The following ALAS1 variants were observed in gnomAD, a reference collection of about 807,000 sequenced individuals.
ALAS1 encodes the protein 5'-aminolevulinate synthase 1.
ALAS1 carries 29 observed loss-of-function variants against 59.6 expected under a neutral mutation model. The ratio of observed to expected loss-of-function variants is 0.49; its 90% CI spans 0.36 to 0.66. The LOEUF (loss-of-function observed/expected upper bound fraction) is 0.66. Among genes scored for constraint, ALAS1 ranks in the 30% least tolerant of loss-of-function variants. The pLI, the probability that ALAS1 is intolerant of heterozygous loss-of-function variation, is 0.00. For missense variants in ALAS1, 690 were observed against 807.5 expected (o/e 0.85, Z 1.76); for synonymous variants, 299 against 296.6 (o/e 1.01, Z -0.08).
chr3:52,208,396 C>G (rs1699338598), intron 9 of ALAS1, 149 bp downstream of exon 9: 1 of 842,714 alleles, frequency 1.2e-6, no homozygotes, highest in Non-Finnish European at 1.8e-6. Flanking sequence ...TAGTGGAATC[C>G]CTTGGGTCAT....
intron 11 of ALAS1, among the ~76,000 whole-genome samples, chr3:52,212,976 GC>G (rs982802406): frequency 4.2e-4 from 64 of 152,268 alleles, no homozygotes; most frequent in Admixed American, 1.1e-3. Flanking sequence ...TGTTTCCAGT[GC>G]CCCCTTGTCT....
intron 2 of ALAS1, 26 bp from the exon 3 acceptor site, chr3:52,199,184 C>A: frequency 6.2e-7 from 1 of 1,606,738 alleles, no homozygotes; most frequent in African/African-American, 1.3e-5. Flanking sequence ...TGATTATTAA[C>A]AACTGTTGAT....
chr3:52,204,677 T>G lies in ALAS1; in HGVS notation c.578-16T>G. ...TCACAACCACCATTCTGTACTGTCT[T>G]TTGTTCAATTTTTAGCTGTTTCCAC... On this transcript the variant is annotated splice_polypyrimidine_tract_variant and intron_variant, in intron 5 of 11. Transcript: ENST00000484952. 2 of 1,607,508 alleles carry G rather than the reference T, an allele frequency of 1.2e-6. No individual in the cohort carries two copies. The highest frequency in any genetic ancestry group is 1.7e-6 in the Non-Finnish European group (2 of 1,175,064).
intron 4 of ALAS1, 109 bp from the exon 5 acceptor site, chr3:52,203,754 C>A: frequency 7.7e-7 from 1 of 1,296,898 alleles, no homozygotes; most frequent in Non-Finnish European, 1.0e-6. Context: ...TTATGCTTGG[C>A]CTTTTTTGTG....
Position 52,203,883 on chromosome 3 carries a change from G to T in ALAS1, c.448G>T (p.Gly150Cys). The T allele has an allele frequency of 6.3e-7, 1 of 1,598,830 alleles. No homozygotes were observed. Among genetic ancestry groups the T allele is most frequent in the Non-Finnish European group, 8.5e-7 (1 of 1,172,666 alleles). ...TCCAGAGGTTGCTGAAACCTCAGCA[G>T]GCCCCAGTGTGGTTAGTGTGAAAAC... ...VRKEVAETSA[G>C]PSVVSVKTDG... Residue 150 changes from glycine (G) to cysteine (C), a missense_variant, in exon 5 of 12, where the codon GGC (glycine) becomes TGC (cysteine). By Grantham distance (159) the Gly-to-Cys change is radical (BLOSUM62 -3). Coordinates refer to ENST00000484952, the MANE Select transcript of ALAS1 (RefSeq NM_000688.6).
rs1699217728 is a variant in ALAS1 at position 52,202,929 on chromosome 3, CGTGT to C, written c.427+199_427+202del. On this transcript the variant is annotated intron_variant, in intron 4 of 11. Transcript: ENST00000484952. ...CGAAAGTGGGACTTTCTTTCTGGTGCGTGTGTGGGATGTGACCAGCTTTTATAGT... is the reference window on the plus strand; with the variant it reads ...CGAAAGTGGGACTTTCTTTCTGGTGCGTGGGATGTGACCAGCTTTTATAGT... Among the ~76,000 whole-genome samples the C allele has an allele frequency of 2.0e-5, 3 of 152,104 alleles. No individual in the cohort carries two copies. The South Asian group carries it at 6.2e-4, about 32-fold the overall frequency.
At chr3:52,212,992 G>A (rs1396863595) in intron 11 of ALAS1, among the ~76,000 whole-genome samples, 1 of 152,154 alleles carries the variant, frequency 6.6e-6, no homozygotes, top group Admixed American at 6.5e-5. Context: ...TTGTCTACGT[G>A]GCTGAAGGAT....
intron 8 of ALAS1, among the ~76,000 whole-genome samples, 153 bp downstream of exon 8, chr3:52,206,904 G>T (rs902373687): frequency 4.0e-5 from 6 of 151,656 alleles, no homozygotes; most frequent in Non-Finnish European, 8.8e-5. Flanking sequence ...GTGCGATCTC[G>T]ACTCACTGCA....
At chr3:52,205,009 G>A (rs1699265070) in intron 6 of ALAS1, 94 bp downstream of exon 6, 7 of 1,036,682 alleles carry the variant, frequency 6.8e-6, no homozygotes, top group Non-Finnish European at 1.0e-5. Flanking sequence ...GGAACATTCA[G>A]TAGCTGAAAG....
Position 52,198,861 on chromosome 3 carries a change from G to A in ALAS1, c.-33+13G>A, listed in dbSNP as rs1261132793. On this transcript the variant is annotated intron_variant, in intron 2 of 11. Transcript: ENST00000484952. ...TCTCCACCTAGATGTAAGCCAAGAT[G>A]TCTTATCTGCACTGTGCATCTCCCT... 1 of 1,535,672 alleles carries A rather than the reference G, an allele frequency of 6.5e-7. No homozygotes were observed. The highest frequency in any genetic ancestry group is 2.4e-5 in the East Asian group (1 of 40,916).
intron 5 of ALAS1, 50 bp from the exon 6 acceptor site, chr3:52,204,642 CA>C: frequency 6.6e-7 from 1 of 1,507,710 alleles, no homozygotes; most frequent in Non-Finnish European, 9.1e-7. Context: ...CACCAAAATG[CA>C]GCTGTGTTTC....
Position 52,214,145 on chromosome 3 carries a change from T to G in ALAS1, c.1888T>G (p.Ser630Ala), listed in dbSNP as rs752394533. Residue 630 changes from serine to alanine, a missense_variant, in exon 12 of 12, where the codon TCA (serine) becomes GCA (alanine). Ser to Ala is a moderately conservative substitution (Grantham distance 99). Transcript: ENST00000484952. Reference protein sequence around the residue: ...VMSEREKSYFSGLSKLVSAQA With the variant: ...VMSEREKSYFAGLSKLVSAQA ...GAGTGAAAGAGAGAAGTCCTATTTCTCAGGCTTGAGCAAGTTGGTATCTGC... is the reference window on the plus strand; with the variant it reads ...GAGTGAAAGAGAGAAGTCCTATTTCGCAGGCTTGAGCAAGTTGGTATCTGC... 1 of 1,613,256 alleles carries G rather than the reference T, an allele frequency of 6.2e-7. No individual in the cohort carries two copies. The highest frequency in any genetic ancestry group is 1.7e-5 in the Admixed American group (1 of 60,016).
chr3:52,203,242 A>G (rs1397127058), intron 4 of ALAS1, among the ~76,000 whole-genome samples: 2 of 152,194 alleles, frequency 1.3e-5, no homozygotes, highest in East Asian at 1.9e-4. Flanking sequence ...GTTTTCTATG[A>G]AGAAAATTGA....
At chr3:52,200,433 A>AT (rs1463812596) in intron 3 of ALAS1, among the ~76,000 whole-genome samples, 1 of 152,114 alleles carries the variant, frequency 6.6e-6, no homozygotes, top group Non-Finnish European at 1.5e-5. Flanking sequence ...TTTATTAGTG[A>AT]TTTTTAAAAA....
intron 9 of ALAS1, among the ~76,000 whole-genome samples, chr3:52,210,633 T>C (rs9827239): frequency 0.019 from 2,925 of 152,054 alleles, 104 homozygotes; most frequent in African/African-American, 0.067. Flanking sequence ...ATTTAAAAAA[T>C]CAGCCAGGCA....
At chr3:52,198,903 C>T in intron 2 of ALAS1, 55 bp downstream of exon 2, 16 of 1,520,796 alleles carry the variant, frequency 1.1e-5, no homozygotes, top group Non-Finnish European at 1.4e-5. Context: ...CCTCTGGCCT[C>T]CCAAACCTGT....
rs78617635 is a variant in ALAS1, at chr3:52,206,641, C to T, written c.1055C>T (p.Pro352Leu). The change falls in exon 8 of 12, where the codon CCA becomes CTA. Residue 352 changes from proline to leucine, a missense_variant. Coordinates refer to ENST00000484952, the MANE Select transcript of ALAS1 (RefSeq NM_000688.6). ...MIQGIRNSRV[P>L]KYIFRHNDVS... Reference sequence around the variant, plus strand: ...CAAGGGATTCGAAACAGCCGAGTGCCAAAGTACATCTTCCGCCACAATGAT... The same window carrying T: ...CAAGGGATTCGAAACAGCCGAGTGCTAAAGTACATCTTCCGCCACAATGAT... 51 of 1,614,024 alleles carry T rather than the reference C, an allele frequency of 3.2e-5. No individual in the cohort carries two copies. Among genetic ancestry groups the T allele is most frequent in the Non-Finnish European group, 4.2e-5 (50 of 1,180,038 alleles).
At chr3:52,200,876 TAA>T (rs1699173736) in intron 3 of ALAS1, among the ~76,000 whole-genome samples, 2 of 151,798 alleles carry the variant, frequency 1.3e-5, no homozygotes, top group Admixed American at 1.3e-4. Flanking sequence ...TGTAAGAAAA[TAA>T]GTTTTTTTTT....
chr3:52,204,629 T>G, intron 5 of ALAS1, 64 bp from the exon 6 acceptor site: 1 of 1,410,910 alleles, frequency 7.1e-7, no homozygotes, highest in Non-Finnish European at 9.8e-7. Flanking sequence ...ACTTGTTGTA[T>G]TTCACCAAAA....
Sources: allele counts gnomAD v4.1 joint callset (sites outside exome capture counted in the v4.1 genomes callset), GRCh38; gene constraint gnomAD v4.1.1; transcripts MANE v1.5; gene names NCBI Gene and HGNC (gene_info 2026-07-23, HGNC 2026-07-21).